Variants in PTPRD observed in about 807,000 individuals in gnomAD.
PTPRD encodes protein tyrosine phosphatase receptor type D.
In PTPRD, 34 loss-of-function variants were observed where a neutral mutation model predicts 214.5. That is an observed-to-expected ratio of 0.16 (90% confidence interval 0.12 to 0.21). The LOEUF is 0.21. Ranked by LOEUF, PTPRD falls within the 10% of genes least tolerant of loss-of-function variation. The pLI, the probability that PTPRD is intolerant of heterozygous loss-of-function variation, is 1.00. For missense variants in PTPRD, 2,545 were observed against 2,398.7 expected, an observed-to-expected ratio of 1.06 and a Z score of -1.27; for synonymous variants, 1,128 against 845.7, an observed-to-expected ratio of 1.33 and a Z score of -5.79.
In PTPRD at chr9:8,693,687, A is replaced by G. The variant is rs888345768; in HGVS notation, c.64+40093T>C. 2.6e-5 allele frequency among the ~76,000 whole-genome samples: 4 copies of G among 152,168 alleles called. No individual in the cohort carries two copies. In the South Asian group the frequency reaches 8.3e-4, roughly 31 times the overall value. On this transcript the variant is annotated intron_variant, in intron 12 of 45. Coordinates refer to ENST00000381196, the MANE Select transcript of PTPRD (RefSeq NM_002839.4). ...TGTAGCGTGTTAATCAAGGTAAGTG[A>G]GCTGTTTCTACAGAGCAAGTCCTGA...
At position 10,434,038 on chromosome 9, in the gene PTPRD, T is replaced by C. The variant is rs557395794; in HGVS notation, c.-599-93021A>G. On this transcript the variant is annotated intron_variant, in intron 2 of 45. Coordinates refer to ENST00000381196, the MANE Select transcript of PTPRD (RefSeq NM_002839.4). ...AAACAATTATTATGCAACATTTTAA[T>C]CTGAATACTATATTTTAAATGTCAT... is the stretch of plus-strand genomic sequence containing the variant. Among the ~76,000 whole-genome samples, 6 of 147,492 alleles carry C rather than the reference T, an allele frequency of 4.1e-5. No individual in the cohort carries two copies. The East Asian group carries it at 1.2e-3, about 29-fold the overall frequency.
At chr9:8,383,119 C>G (rs2085697230) in intron 37 of PTPRD, among the ~76,000 whole-genome samples, 1 of 152,200 alleles carries the variant, frequency 6.6e-6, no homozygotes. Flanking sequence ...ATCTCACAAT[C>G]TGAAAAGAAT....
At chr9:10,090,009 A>G (rs895165386) in intron 3 of PTPRD, among the ~76,000 whole-genome samples, 29 of 151,680 alleles carry the variant, frequency 1.9e-4, no homozygotes, top group African/African-American at 6.8e-4. Context: ...CAACACATGC[A>G]GAGAGTGAAG....
chr9:9,944,998 G>T (rs1054732620), intron 4 of PTPRD, among the ~76,000 whole-genome samples: 4 of 129,372 alleles, frequency 3.1e-5, no homozygotes, highest in Non-Finnish European at 5.9e-5. Flanking sequence ...GTAGTGGAGA[G>T]GTGTTGAGAG....
chr9:10,522,965 G>A (rs1195716615), intron 2 of PTPRD, among the ~76,000 whole-genome samples: 1 of 151,924 alleles, frequency 6.6e-6, no homozygotes, highest in Admixed American at 6.6e-5. Context: ...CTGTGAGGGG[G>A]TTCATAAATA....
At chr9:9,311,831 G>T (rs1959100523) in intron 9 of PTPRD, among the ~76,000 whole-genome samples, 1 of 152,062 alleles carries the variant, frequency 6.6e-6, no homozygotes, top group Non-Finnish European at 1.5e-5. Context: ...TGTTTTCATT[G>T]ACTGTATCCT....
At chr9:9,843,607 A>T (rs1341840597) in intron 5 of PTPRD, among the ~76,000 whole-genome samples, 1 of 151,980 alleles carries the variant, frequency 6.6e-6, no homozygotes, top group East Asian at 1.9e-4. Flanking sequence ...TTTTGACAGG[A>T]TATATCTCAT....
At chr9:8,569,084 C>A (rs2090319385) in intron 14 of PTPRD, among the ~76,000 whole-genome samples, 1 of 152,128 alleles carries the variant, frequency 6.6e-6, no homozygotes, top group African/African-American at 2.4e-5. Flanking sequence ...CCTCCAGAGG[C>A]TTCCTCTCCC....
At chr9:9,087,175 G>C (rs1449573040) in intron 10 of PTPRD, among the ~76,000 whole-genome samples, 1 of 151,972 alleles carries the variant, frequency 6.6e-6, no homozygotes, top group African/African-American at 2.4e-5. Context: ...TAAACTTAGT[G>C]AGTCCTCTAA....
chr9:8,843,870 T>C (rs1272657378), intron 11 of PTPRD, among the ~76,000 whole-genome samples: 1 of 152,194 alleles, frequency 6.6e-6, no homozygotes, highest in African/African-American at 2.4e-5. Context: ...AGAGGTCAGC[T>C]GGAGTAAGAA....
intron 3 of PTPRD, among the ~76,000 whole-genome samples, chr9:10,064,121 C>T (rs1030927102): frequency 2.0e-5 from 3 of 151,640 alleles, no homozygotes; most frequent in Non-Finnish European, 2.9e-5. Context: ...ACTTAAAAGA[C>T]AATTTTTTTT....
chr9:8,608,757 AAG>A (rs1430833840), intron 14 of PTPRD, among the ~76,000 whole-genome samples: 1 of 152,222 alleles, frequency 6.6e-6, no homozygotes, highest in African/African-American at 2.4e-5. Context: ...ATAAAAAAGG[AAG>A]AATAGAAGTA....
chr9:9,277,312 T>C (rs1446923179), intron 9 of PTPRD, among the ~76,000 whole-genome samples: 2 of 151,380 alleles, frequency 1.3e-5, no homozygotes, highest in African/African-American at 4.8e-5. Context: ...GAATTTAACA[T>C]TTTTAGGAAG....
At chr9:8,698,029 A>G (rs1000796201) in intron 12 of PTPRD, among the ~76,000 whole-genome samples, 4 of 152,188 alleles carry the variant, frequency 2.6e-5, no homozygotes, top group African/African-American at 9.7e-5. Context: ...TGCTATGATT[A>G]TCACCATGTC....
intron 39 of PTPRD, among the ~76,000 whole-genome samples, chr9:8,366,559 T>C (rs1770938775): frequency 6.6e-6 from 1 of 152,212 alleles, no homozygotes; most frequent in Admixed American, 6.5e-5. Flanking sequence ...TAAAAATAAG[T>C]GTGCTGTCCC....
chr9:8,955,037 C>G (rs1327321206), intron 11 of PTPRD, among the ~76,000 whole-genome samples: 1 of 151,462 alleles, frequency 6.6e-6, no homozygotes, highest in Non-Finnish European at 1.5e-5. Flanking sequence ...TAGGCAGCAT[C>G]TAAGAAAAAA....
intron 5 of PTPRD, among the ~76,000 whole-genome samples, chr9:9,848,693 T>C (rs1008805927): frequency 6.6e-6 from 1 of 152,056 alleles, no homozygotes; most frequent in African/African-American, 2.4e-5. Flanking sequence ...TCACACAAAA[T>C]AGATAAATAT....
intron 35 of PTPRD, among the ~76,000 whole-genome samples, chr9:8,431,924 T>A (rs2095082185): frequency 1.3e-5 from 2 of 152,248 alleles, no homozygotes; most frequent in Non-Finnish European, 2.9e-5. Context: ...TCTTTGCACC[T>A]CTGGTAGAAT....
intron 12 of PTPRD, among the ~76,000 whole-genome samples, chr9:8,715,308 G>A (rs2098419367): frequency 2.0e-5 from 3 of 152,100 alleles, no homozygotes; most frequent in African/African-American, 7.2e-5. Context: ...AACAACTGCA[G>A]GATGAGGTTC....
Sources: allele counts gnomAD v4.1 joint callset (sites outside exome capture counted in the v4.1 genomes callset), GRCh38; gene constraint gnomAD v4.1.1; transcripts MANE v1.5; gene names NCBI Gene and HGNC (gene_info 2026-07-23, HGNC 2026-07-21).